Variants in WWP2 observed in about 807,000 individuals in gnomAD.
WWP2 encodes the protein NEDD4-like E3 ubiquitin-protein ligase WWP2.
Under a neutral mutation model 121.0 loss-of-function variants are expected in WWP2, and 57 were observed. The ratio of observed to expected loss-of-function variants is 0.47; its 90% confidence interval spans 0.38 to 0.59. WWP2 has a LOEUF of 0.59. Ranked by LOEUF, WWP2 falls within the 20% of genes least tolerant of loss-of-function variation. The pLI is 0.00. For synonymous variants in WWP2, 449 were observed against 441.3 expected, an observed-to-expected ratio of 1.02 and a Z score of -0.22; for missense variants, 962 against 1,158.9, an observed-to-expected ratio of 0.83 and a Z score of 2.47.
chr16:69,813,277 C>T (rs900223135), intron 4 of WWP2, among the ~76,000 whole-genome samples: 7 of 151,958 alleles, frequency 4.6e-5, no homozygotes, highest in Non-Finnish European at 8.8e-5. Flanking sequence ...ATTCTCCTGC[C>T]TTATCTTCCT....
At chr16:69,912,349 G>A (rs976384775) in intron 9 of WWP2, among the ~76,000 whole-genome samples, 1 of 143,358 alleles carries the variant, frequency 7.0e-6, no homozygotes, top group Admixed American at 7.1e-5. Flanking sequence ...TGAGTTGGAA[G>A]TTTGTGCAGG....
At chr16:69,831,861 C>G (rs2056799550) in intron 4 of WWP2, among the ~76,000 whole-genome samples, 1 of 133,324 alleles carries the variant, frequency 7.5e-6, no homozygotes, top group African/African-American at 2.9e-5. Flanking sequence ...GACAGTGTCA[C>G]TCTGTCACCC....
intron 1 of WWP2, among the ~76,000 whole-genome samples, chr16:69,771,315 T>C (rs1009668539): frequency 6.6e-6 from 1 of 152,120 alleles, no homozygotes; most frequent in African/African-American, 2.4e-5. Flanking sequence ...GTGTGCTATC[T>C]TGGCTCACTG....
Position 69,939,022 on chromosome 16 carries a change from TC to T in WWP2, c.2344-3del. 3 of 1,597,496 alleles carry T rather than the reference TC, an allele frequency of 1.9e-6. No individual in the cohort carries two copies. Among genetic ancestry groups the T allele is most frequent in the East Asian group, 4.5e-5 (2 of 44,314 alleles). ...CTGACTGTGCCTTGACTTGCGGACT[TC>T]CAGGTGGTGAAGGAGATGGACAACG... is the stretch of plus-strand genomic sequence containing the variant. On this transcript the variant is annotated splice_polypyrimidine_tract_variant and splice_region_variant and intron_variant, in intron 21 of 23. Coordinates refer to ENST00000359154, the MANE Select transcript of WWP2 (RefSeq NM_001270454.2).
chr16:69,840,405 T>G (rs1226925938), intron 5 of WWP2, 142 bp downstream of exon 5: 11 of 1,064,274 alleles, frequency 1.0e-5, no homozygotes, highest in Non-Finnish European at 1.5e-5. Flanking sequence ...CCCGGACTCT[T>G]CTTAGCTCCG....
rs2058874331 is a variant in WWP2, at chr16:69,941,094, C to T, written c.*1154C>T. ...CTGCATAGGTGTGAGGCTTTATCTG[C>T]ACACAGGACATGAAAACCAGCAGAA... On this transcript the variant is annotated 3_prime_UTR_variant, in exon 24 of 24. Coordinates refer to ENST00000359154, the MANE Select transcript of WWP2 (RefSeq NM_001270454.2). The T allele has an allele frequency of 6.6e-6, 1 of 152,386 alleles. No individual in the cohort carries two copies. The highest frequency in any genetic ancestry group is 1.5e-5 in the Non-Finnish European group (1 of 68,082). The allele number at this position is 152,386 out of a possible 1,614,324, so 9.4% of individuals were successfully genotyped here.
rs1396813233 is a variant in WWP2, at chr16:69,762,410, G to C, written c.-16+19G>C. Reference sequence around the variant, plus strand: ...ACGGCAGGTAGCGAGCGCTGGCGCGGGGGGCGCGGTGGGCTGGCTGCCTGC... The same window carrying C: ...ACGGCAGGTAGCGAGCGCTGGCGCGCGGGGCGCGGTGGGCTGGCTGCCTGC... On this transcript the variant is annotated intron_variant, in intron 1 of 23. Transcript: ENST00000359154. 2.0e-5 allele frequency: 3 copies of C among 149,632 alleles called. No individual in the cohort carries two copies. The South Asian group carries it at 5.4e-4, about 27-fold the overall frequency. The allele number at this position is 149,632 out of a possible 1,614,324, so 9.3% of individuals were successfully genotyped here.
intron 16 of WWP2, 86 bp downstream of exon 16, chr16:69,931,976 C>CCGT: frequency 8.0e-7 from 1 of 1,245,810 alleles, no homozygotes; most frequent in African/African-American, 1.5e-5. Flanking sequence ...CTGCCCCCTG[C>CCGT]TCACATTCCC....
intron 1 of WWP2, chr16:69,783,297 A>C (rs1409225339): frequency 6.6e-6 from 1 of 152,268 alleles, no homozygotes; most frequent in Non-Finnish European, 1.5e-5. Context: ...GGCGTGAGCC[A>C]CTACGCCTGG....
intron 8 of WWP2, among the ~76,000 whole-genome samples, chr16:69,891,283 C>G (rs748858375): frequency 1.3e-5 from 2 of 152,168 alleles, no homozygotes; most frequent in Non-Finnish European, 2.9e-5. Flanking sequence ...TTAATTTACC[C>G]CTGGTGTTCC....
Position 69,799,186 on chromosome 16 carries a change from A to G in WWP2, c.231A>G (p.Ala77=), listed in dbSNP as rs781202978. 70 of 1,613,498 alleles carry G rather than the reference A, an allele frequency of 4.3e-5. No homozygotes were observed. In the East Asian group the frequency reaches 1.2e-3, roughly 27 times the overall value. The change falls in exon 4 of 24, where the codon GCA becomes GCG. Residue 77 remains alanine (A), a synonymous_variant. Coordinates refer to ENST00000359154, the MANE Select transcript of WWP2 (RefSeq NM_001270454.2). This position sits in a 1 kb window ranked among gnomAD's most constrained non-coding sequence, Gnocchi z 4.5. ...ATTTGTTTTTCAGGAATGTCACGGC[A>G]CAGAGTCATTTAGATTTAAAGGTCT... ...WNEIIILNVT[A]QSHLDLKVWS...
At chr16:69,889,987 C>T (rs1243642640) in intron 8 of WWP2, among the ~76,000 whole-genome samples, 1 of 152,104 alleles carries the variant, frequency 6.6e-6, no homozygotes, top group East Asian at 1.9e-4. Context: ...CAGGGTCTCA[C>T]TCTGTTGCCC....
At chr16:69,924,837 G>A in intron 10 of WWP2, 1 of 699,562 alleles carries the variant, frequency 1.4e-6, no homozygotes, top group Non-Finnish European at 1.8e-6. Context: ...GGGCATGAAT[G>A]TGCCCTCAGT....
At chr16:69,786,514 G>A (rs192935077) in intron 1 of WWP2, among the ~76,000 whole-genome samples, 30 of 139,190 alleles carry the variant, frequency 2.2e-4, no homozygotes, top group African/African-American at 8.4e-4. Flanking sequence ...TGCAATGGCC[G>A]ATCTTGGCTC....
chr16:69,888,113 C>G lies in WWP2; in HGVS notation c.778C>G (p.Pro260Ala). 6.2e-7 allele frequency: 1 copy of G among 1,614,222 alleles called. No homozygotes were observed. Among genetic ancestry groups the G allele is most frequent in the Non-Finnish European group, 8.5e-7 (1 of 1,180,038 alleles). The change falls in exon 8 of 24, where the codon CCC becomes GCC. Residue 260 changes from proline (P) to alanine (A), a missense_variant. This residue lies in a region of WWP2 where 211 missense variants were observed against 196.5 expected (regional missense o/e 1.07). Coordinates refer to ENST00000359154, the MANE Select transcript of WWP2 (RefSeq NM_001270454.2). ...VVGVTSPPAA[P>A]LSVTPNPNTT... The stretch of plus-strand genomic sequence containing the variant: ...TGGTGTGACGTCCCCACCTGCTGCA[C>G]CCTTGAGTGTGACCCCGAATCCCAA...
intron 2 of WWP2, among the ~76,000 whole-genome samples, chr16:69,793,357 AT>A (rs1332771269): frequency 1.3e-5 from 2 of 152,192 alleles, no homozygotes; most frequent in Admixed American, 6.5e-5. Flanking sequence ...ATCTAAAAAA[AT>A]AATAATAATA....
chr16:69,878,614 G>A (rs931494750), intron 7 of WWP2, among the ~76,000 whole-genome samples: 5 of 151,798 alleles, frequency 3.3e-5, no homozygotes, highest in African/African-American at 9.7e-5. Flanking sequence ...CTCTTGTCTC[G>A]GCCTTCCAAA....
At chr16:69,924,832 T>G (rs2058615835) in intron 10 of WWP2, among the ~76,000 whole-genome samples, 1 of 150,406 alleles carries the variant, frequency 6.6e-6, no homozygotes, top group African/African-American at 2.5e-5. Context: ...GCTTGGGGCA[T>G]GAATGTGCCC....
At chr16:69,790,372 A>G (rs1463399419) in intron 2 of WWP2, among the ~76,000 whole-genome samples, 1 of 152,232 alleles carries the variant, frequency 6.6e-6, no homozygotes, top group African/African-American at 2.4e-5. Flanking sequence ...AAAAAATTTT[A>G]CTATTTATTC....
Sources: allele counts gnomAD v4.1 joint callset (sites outside exome capture counted in the v4.1 genomes callset), GRCh38; gene constraint gnomAD v4.1.1; regional missense constraint gnomAD v4.1.1; non-coding constraint Gnocchi (gnomAD v3.1); transcripts MANE v1.5; gene names NCBI Gene and HGNC (gene_info 2026-07-23, HGNC 2026-07-21).